The following VTI1A variants were observed in gnomAD, a reference collection of about 807,000 sequenced individuals.
VTI1A encodes the protein vesicle transport through interaction with t-SNAREs homolog 1A.
Under a neutral mutation model 34.9 loss-of-function variants are expected in VTI1A, and 22 were observed. The ratio of observed to expected loss-of-function variants is 0.63; its 90% CI spans 0.45 to 0.90. The LOEUF (loss-of-function observed/expected upper bound fraction) is 0.90. VTI1A is among the 40% of genes least tolerant of loss of function. VTI1A has a pLI of 0.00. For missense variants in VTI1A, 268 were observed against 275.6 expected (o/e 0.97, Z 0.20); for synonymous variants, 87 against 97.3 (o/e 0.89, Z 0.62).
chr10:112,705,874 A>G (rs1224864326), intron 7 of VTI1A, among the ~76,000 whole-genome samples: 2 of 152,158 alleles, frequency 1.3e-5, no homozygotes, highest in African/African-American at 4.8e-5. Context: ...CATCTAGAGA[A>G]GCTAGTTCCG....
At chr10:112,728,442 T>C (rs1381356621) in intron 7 of VTI1A, among the ~76,000 whole-genome samples, 1 of 152,180 alleles carries the variant, frequency 6.6e-6, no homozygotes, top group Admixed American at 6.5e-5. Context: ...GAAACAGTTG[T>C]CCTGCTTACC....
At chr10:112,500,005 C>A (rs376529352) in intron 3 of VTI1A, among the ~76,000 whole-genome samples, 2 of 152,148 alleles carry the variant, frequency 1.3e-5, no homozygotes, top group African/African-American at 4.8e-5. Flanking sequence ...TCCTGAAAAA[C>A]GTAAAGCTGA....
At chr10:112,719,116 A>G (rs982711536) in intron 7 of VTI1A, among the ~76,000 whole-genome samples, 3 of 152,230 alleles carry the variant, frequency 2.0e-5, no homozygotes, top group Non-Finnish European at 2.9e-5. Flanking sequence ...TCACGATGAA[A>G]TACATTTTCT....
chr10:112,596,225 C>T lies in VTI1A; in HGVS notation c.427+57895C>T, dbSNP rs192191187. On this transcript the variant is annotated intron_variant, in intron 5 of 7. Coordinates refer to ENST00000393077, the MANE Select transcript of VTI1A (RefSeq NM_145206.4). ...ATACCTAATGCTAAATGATGGGTTACTGGGTGCCGCACACCAGCATGGCAC... is the reference window on the plus strand; with the variant it reads ...ATACCTAATGCTAAATGATGGGTTATTGGGTGCCGCACACCAGCATGGCAC... 2.4e-4 allele frequency among the ~76,000 whole-genome samples: 37 copies of T among 152,094 alleles called. 2 individuals carry two copies. In the East Asian group the frequency reaches 6.8e-3, roughly 28 times the overall value.
chr10:112,579,301 T>G (rs911752634), intron 5 of VTI1A, among the ~76,000 whole-genome samples: 5 of 152,228 alleles, frequency 3.3e-5, no homozygotes, highest in Non-Finnish European at 7.3e-5. Flanking sequence ...GTAAGATCTC[T>G]GAGTCAAAAA....
intron 3 of VTI1A, among the ~76,000 whole-genome samples, chr10:112,509,262 C>G (rs79504712): frequency 6.6e-6 from 1 of 152,110 alleles, no homozygotes; most frequent in Non-Finnish European, 1.5e-5. Context: ...TCTTAATCAC[C>G]GCTTAAAAGA....
chr10:112,612,084 C>T (rs980167120), intron 5 of VTI1A, among the ~76,000 whole-genome samples: 1 of 151,858 alleles, frequency 6.6e-6, no homozygotes, highest in Non-Finnish European at 1.5e-5. Context: ...TGGATACAAA[C>T]CTATGGATTC....
chr10:112,809,147 C>A (rs1352598887), intron 7 of VTI1A, among the ~76,000 whole-genome samples: 1 of 152,142 alleles, frequency 6.6e-6, no homozygotes. Context: ...ACATAGAAGA[C>A]CCAAGATGGG....
At chr10:112,546,113 C>CGT (rs929423471) in intron 5 of VTI1A, among the ~76,000 whole-genome samples, 1 of 135,022 alleles carries the variant, frequency 7.4e-6, no homozygotes, top group African/African-American at 2.8e-5. Flanking sequence ...CGTGTATACA[C>CGT]GTGTGTGTGT....
At chr10:112,539,280 T>C (rs996489571) in intron 5 of VTI1A, among the ~76,000 whole-genome samples, 1 of 152,254 alleles carries the variant, frequency 6.6e-6, no homozygotes, top group African/African-American at 2.4e-5. Flanking sequence ...AGAACAGGTA[T>C]GATGAAAATG....
Position 112,767,683 on chromosome 10 carries a change from CTT to C in VTI1A, c.561-47597_561-47596del, listed in dbSNP as rs112537601. 3.4e-4 allele frequency among the ~76,000 whole-genome samples: 50 copies of C among 147,356 alleles called. No homozygotes were observed. In the South Asian group the frequency reaches 0.011, roughly 32 times the overall value. On this transcript the variant is annotated intron_variant, in intron 7 of 7. Coordinates refer to ENST00000393077, the MANE Select transcript of VTI1A (RefSeq NM_145206.4). The surrounding 1 kb of genome is among the most constrained non-coding windows in gnomAD (Gnocchi z 4.0). The stretch of plus-strand genomic sequence containing the variant: ...CTGCCTACCTTATTTCTTCCTTACT[CTT>C]TTTTTTTTTCTGTTTCTCTGTATTC...
chr10:112,530,615 G>GA (rs1850385026), intron 4 of VTI1A, among the ~76,000 whole-genome samples: 1 of 152,148 alleles, frequency 6.6e-6, no homozygotes, highest in Non-Finnish European at 1.5e-5. Flanking sequence ...AAAATATAAA[G>GA]AGTAGACTAT....
intron 5 of VTI1A, among the ~76,000 whole-genome samples, chr10:112,588,528 G>C (rs1373080360): frequency 6.6e-6 from 1 of 152,250 alleles, no homozygotes. Context: ...TCAGTTCAGA[G>C]CTACTGTACA....
intron 7 of VTI1A, among the ~76,000 whole-genome samples, chr10:112,714,824 T>C (rs1849547254): frequency 6.6e-6 from 1 of 152,224 alleles, no homozygotes; most frequent in Non-Finnish European, 1.5e-5. Flanking sequence ...TATTAGCAGA[T>C]AACATTCAAG....
chr10:112,536,779 A>G (rs911951886), intron 4 of VTI1A, among the ~76,000 whole-genome samples: 1 of 140,832 alleles, frequency 7.1e-6, no homozygotes, highest in African/African-American at 2.6e-5. Context: ...AATTTCAAGG[A>G]AAGCTTTGAT....
chr10:112,696,517 G>A (rs1358128959), intron 7 of VTI1A, among the ~76,000 whole-genome samples: 2 of 152,156 alleles, frequency 1.3e-5, no homozygotes, highest in Middle Eastern at 3.2e-3. Flanking sequence ...AAAGTAAAAT[G>A]TCTTAATATT....
intron 5 of VTI1A, among the ~76,000 whole-genome samples, chr10:112,542,012 C>G (rs527606377): frequency 6.6e-6 from 1 of 152,152 alleles, no homozygotes; most frequent in East Asian, 1.9e-4. Context: ...GTTGTTGTTA[C>G]TATTAATAGT....
intron 4 of VTI1A, among the ~76,000 whole-genome samples, chr10:112,529,958 T>C (rs185852640): frequency 9.2e-5 from 14 of 152,254 alleles, no homozygotes; most frequent in Admixed American, 2.0e-4. Flanking sequence ...GTAATACATA[T>C]AATTATAGTC....
intron 5 of VTI1A, among the ~76,000 whole-genome samples, chr10:112,655,613 G>A (rs1339170191): frequency 2.0e-5 from 3 of 152,094 alleles, no homozygotes; most frequent in Admixed American, 6.5e-5. Flanking sequence ...GCTAAGAAAC[G>A]TGATGAATCC....
Sources: allele counts gnomAD v4.1 joint callset (sites outside exome capture counted in the v4.1 genomes callset), GRCh38; gene constraint gnomAD v4.1.1; non-coding constraint Gnocchi (gnomAD v3.1); transcripts MANE v1.5; gene names NCBI Gene and HGNC (gene_info 2026-07-23, HGNC 2026-07-21).